STRBP: variants seen among roughly 807,000 people sequenced by gnomAD.
STRBP encodes spermatid perinuclear RNA-binding protein.
Under a neutral mutation model 80.1 loss-of-function variants are expected in STRBP, and 13 were observed. That is an observed-to-expected ratio of 0.16 (90% confidence interval 0.11 to 0.26). STRBP has a LOEUF of 0.26. Among genes scored for constraint, STRBP ranks in the 10% least tolerant of loss-of-function variants. The probability of loss-of-function intolerance (pLI) is 1.00; values close to 1 mark genes in which losing one functional copy is unlikely to be tolerated. For synonymous variants in STRBP, 284 were observed against 291.2 expected, an observed-to-expected ratio of 0.98 and a Z score of 0.25; for missense variants, 485 against 815.2, an observed-to-expected ratio of 0.59 and a Z score of 4.93.
intron 16 of STRBP, 101 bp from the exon 17 acceptor site, chr9:123,133,069 G>A (rs1249262671): frequency 6.2e-6 from 9 of 1,442,334 alleles, no homozygotes; most frequent in South Asian, 4.0e-5. Context: ...CTGTGAGCAC[G>A]TGGGTGAGAC....
chr9:123,114,798 C>T (rs551291877), intron 3 of STRBP: 48 of 226,708 alleles, frequency 2.1e-4, no homozygotes, highest in African/African-American at 9.9e-4. Context: ...AGCAGGTCCC[C>T]CGCCCCCGGA....
intron 1 of STRBP, among the ~76,000 whole-genome samples, chr9:123,241,338 CA>C (rs1481606876): frequency 6.6e-6 from 1 of 151,928 alleles, no homozygotes; most frequent in Non-Finnish European, 1.5e-5. Context: ...TTTGTCTCTA[CA>C]AAAAAGAATT....
At chr9:123,218,402 G>A (rs1341583843) in intron 2 of STRBP, among the ~76,000 whole-genome samples, 7 of 123,166 alleles carry the variant, frequency 5.7e-5, no homozygotes, top group African/African-American at 2.0e-4. Flanking sequence ...TCGCTCTGTC[G>A]CCCAGGCCGG....
chr9:123,118,322 G>A (rs2035678943), downstream of STRBP, among the ~76,000 whole-genome samples: 1 of 152,072 alleles, frequency 6.6e-6, no homozygotes, highest in African/African-American at 2.4e-5. Flanking sequence ...CTAAACTGAG[G>A]GCTGCTGTTC....
chr9:123,228,006 G>C lies in STRBP; in HGVS notation c.-165+8824C>G, dbSNP rs1328039455. On this transcript the variant is annotated intron_variant, in intron 2 of 18. Transcript: ENST00000348403. ...TCAGACGAGGGTAATGGCAACGGCA[G>C]AGATGGTAAGAAGTGTTACGACACT... Among the ~76,000 whole-genome samples the C allele has an allele frequency of 3.3e-5, 5 of 152,350 alleles. No individual in the cohort carries two copies. In the East Asian group the frequency reaches 9.6e-4, roughly 29 times the overall value.
At chr9:123,225,214 T>C (rs190399800) in intron 2 of STRBP, among the ~76,000 whole-genome samples, 68 of 152,350 alleles carry the variant, frequency 4.5e-4, no homozygotes, top group African/African-American at 1.6e-3. Flanking sequence ...ACGTTCTATT[T>C]CTTCTGGGTA....
intron 2 of STRBP, among the ~76,000 whole-genome samples, chr9:123,203,353 G>T (rs200469743): frequency 7.4e-6 from 1 of 135,062 alleles, no homozygotes; most frequent in Non-Finnish European, 1.6e-5. Context: ...CCCTAAAAAA[G>T]AAAAAAAAAA....
chr9:123,138,286 T>C (rs1393752617), intron 14 of STRBP, among the ~76,000 whole-genome samples: 1 of 152,218 alleles, frequency 6.6e-6, no homozygotes, highest in Admixed American at 6.5e-5. Context: ...ATATGTAACA[T>C]TGTCAGCAAA....
chr9:123,116,632 C>T (rs989277802), downstream of STRBP, among the ~76,000 whole-genome samples: 2 of 152,138 alleles, frequency 1.3e-5, no homozygotes, highest in Non-Finnish European at 2.9e-5. Context: ...TCAAGGCGCA[C>T]AGGGGATAGC....
At chr9:123,248,334 C>T (rs1044371541) in intron 1 of STRBP, among the ~76,000 whole-genome samples, 1 of 132,482 alleles carries the variant, frequency 7.5e-6, no homozygotes, top group African/African-American at 2.9e-5. Context: ...ATGGCACGAT[C>T]TCGGCTCACT....
chr9:123,124,679 G>C lies in STRBP; in HGVS notation c.*918C>G. 4 of 985,354 alleles carry C rather than the reference G, an allele frequency of 4.1e-6. No homozygotes were observed. The highest frequency in any genetic ancestry group is 4.8e-6 in the Non-Finnish European group (4 of 829,910). 61.0% of individuals were successfully genotyped at this position (985,354 alleles called of 1,614,324 possible). On this transcript the variant is annotated 3_prime_UTR_variant, in exon 19 of 19. Transcript: ENST00000348403. ...CAGGGAGTGAACACAATATCTTACA[G>C]AGTGAAGAAGGCCACAAGAACAAGA... is the stretch of plus-strand genomic sequence containing the variant.
At chr9:123,235,001 G>C (rs535755989) in intron 2 of STRBP, among the ~76,000 whole-genome samples, 8 of 148,882 alleles carry the variant, frequency 5.4e-5, no homozygotes, top group East Asian at 3.9e-4. Context: ...TTTTTTGGGG[G>C]GGGGGGGTAC....
chr9:123,261,208 T>C (rs1185119264), intron 1 of STRBP, among the ~76,000 whole-genome samples: 1 of 152,204 alleles, frequency 6.6e-6, no homozygotes, highest in Non-Finnish European at 1.5e-5. Flanking sequence ...TATCTCATAA[T>C]CCTGGGACTC....
chr9:123,267,481 ATCCTTACATG>A (rs1199178514), intron 1 of STRBP, among the ~76,000 whole-genome samples: 1 of 147,506 alleles, frequency 6.8e-6, no homozygotes, highest in Non-Finnish European at 1.5e-5. Flanking sequence ...CTGCCTTTTT[ATCCTTACATG>A]TCAACCCCCT....
chr9:123,262,760 C>G (rs1180641429), intron 1 of STRBP, among the ~76,000 whole-genome samples: 1 of 152,216 alleles, frequency 6.6e-6, no homozygotes, highest in Non-Finnish European at 1.5e-5. Context: ...AGGCACTATA[C>G]TTCTCAAATA....
intron 13 of STRBP, among the ~76,000 whole-genome samples, chr9:123,142,617 C>G (rs1230119492): frequency 6.6e-6 from 1 of 152,192 alleles, no homozygotes; most frequent in Non-Finnish European, 1.5e-5. Flanking sequence ...TAGTAATTTT[C>G]CATCCACTGA....
intron 11 of STRBP, among the ~76,000 whole-genome samples, chr9:123,154,201 C>T (rs747667785): frequency 3.3e-5 from 5 of 152,146 alleles, no homozygotes; most frequent in Non-Finnish European, 7.3e-5. Flanking sequence ...AGAACCTAAA[C>T]GTCCTTCAAA....
intron 2 of STRBP, among the ~76,000 whole-genome samples, chr9:123,223,094 G>GC (rs1420142270): frequency 6.9e-6 from 1 of 145,542 alleles, no homozygotes; most frequent in African/African-American, 2.5e-5. Flanking sequence ...TAGATAGATA[G>GC]ATAAAAATGA....
At chr9:123,135,878 A>T in intron 16 of STRBP, 163 bp downstream of exon 16, 1 of 761,996 alleles carries the variant, frequency 1.3e-6, no homozygotes. Flanking sequence ...GAAACCACTA[A>T]TCAAATTTAT....
Sources: allele counts gnomAD v4.1 joint callset (sites outside exome capture counted in the v4.1 genomes callset), GRCh38; gene constraint gnomAD v4.1.1; transcripts MANE v1.5; gene names NCBI Gene and HGNC (gene_info 2026-07-23, HGNC 2026-07-21).